OSBP2: variants seen among roughly 807,000 people sequenced by gnomAD.
OSBP2 encodes the protein oxysterol binding protein 2, also known as oxysterol-binding protein 2.
OSBP2 carries 66 observed loss-of-function variants against 96.0 expected under a neutral mutation model. The observed-to-expected ratio is 0.69, with a 90% CI of 0.56 to 0.84. OSBP2 has a LOEUF of 0.84. Among genes scored for constraint, OSBP2 ranks in the 40% least tolerant of loss-of-function variants. The pLI is 0.00. For synonymous variants in OSBP2, 525 were observed against 520.9 expected (o/e 1.01, Z -0.11); for missense variants, 1,038 against 1,222.7 (o/e 0.85, Z 2.25).
At chr22:30,873,810 A>G (rs990770456) in intron 3 of OSBP2, among the ~76,000 whole-genome samples, 6 of 152,232 alleles carry the variant, frequency 3.9e-5, no homozygotes, top group African/African-American at 1.4e-4. Flanking sequence ...CTGGCCAGAC[A>G]AAGCCCACAT....
chr22:30,817,650 G>T (rs2146970223), intron 2 of OSBP2, among the ~76,000 whole-genome samples: 1 of 152,326 alleles, frequency 6.6e-6, no homozygotes, highest in Non-Finnish European at 1.5e-5. Flanking sequence ...AAGGGCTCTT[G>T]ATGAGTGATT....
chr22:30,785,782 C>T (rs1411858797), intron 2 of OSBP2, among the ~76,000 whole-genome samples: 13 of 152,006 alleles, frequency 8.6e-5, no homozygotes, highest in Non-Finnish European at 1.8e-4. Context: ...GTGAATGAGT[C>T]CTCATGAGAT....
At chr22:30,861,567 A>AT (rs1205023749) in intron 2 of OSBP2, among the ~76,000 whole-genome samples, 2 of 151,678 alleles carry the variant, frequency 1.3e-5, no homozygotes, top group African/African-American at 4.9e-5. Context: ...TTATTATCTG[A>AT]TTTTCCATCA....
chr22:30,695,439 T>G lies in OSBP2; in HGVS notation c.530T>G (p.Leu177Arg), dbSNP rs754881486. ...ACTGGCACGACCTCCAGTGCCCCAC[T>G]GGCCTTACTGCCTCTGGACAGCTTC... ...SGTGTTSSAPLALLPLDSFEG... is the reference protein window; with the variant it reads ...SGTGTTSSAPRALLPLDSFEG... The change falls in exon 1 of 14, where the codon CTG (leucine) becomes CGG (arginine). Residue 177 changes from leucine to arginine, a missense_variant. Leu to Arg is a moderately radical substitution (Grantham distance 102). Coordinates refer to ENST00000332585, the MANE Select transcript of OSBP2 (RefSeq NM_030758.4). The G allele has an allele frequency of 6.2e-7, 1 of 1,613,758 alleles. No homozygotes were observed. The highest frequency in any genetic ancestry group is 1.7e-5 in the Admixed American group (1 of 60,028).
chr22:30,746,931 A>G (rs1286675638), intron 2 of OSBP2, among the ~76,000 whole-genome samples: 1 of 152,236 alleles, frequency 6.6e-6, no homozygotes, highest in Non-Finnish European at 1.5e-5. Flanking sequence ...AAATACTGGC[A>G]AACAAAATCC....
chr22:30,843,077 C>G (rs1371713872), intron 2 of OSBP2, among the ~76,000 whole-genome samples: 1 of 152,192 alleles, frequency 6.6e-6, no homozygotes, highest in Non-Finnish European at 1.5e-5. Flanking sequence ...AGCCACCGCA[C>G]CCGGCCTGCA....
At chr22:30,778,084 T>C (rs2090459025) in intron 2 of OSBP2, among the ~76,000 whole-genome samples, 1 of 150,410 alleles carries the variant, frequency 6.6e-6, no homozygotes, top group East Asian at 2.0e-4. Flanking sequence ...CAACTCTGCC[T>C]CCCGGGTTCA....
chr22:30,826,003 A>G (rs1203579131), intron 2 of OSBP2, among the ~76,000 whole-genome samples: 3 of 151,340 alleles, frequency 2.0e-5, no homozygotes, highest in Non-Finnish European at 4.4e-5. Context: ...CTTTGCACAG[A>G]CCCCCAGAAA....
At chr22:30,752,851 A>G (rs572542529) in intron 2 of OSBP2, among the ~76,000 whole-genome samples, 29 of 152,330 alleles carry the variant, frequency 1.9e-4, no homozygotes, top group Admixed American at 3.9e-4. Flanking sequence ...GCTATTTGTC[A>G]TGTGATACTA....
intron 1 of OSBP2, among the ~76,000 whole-genome samples, chr22:30,708,176 C>T (rs1025217094): frequency 1.3e-5 from 2 of 151,992 alleles, no homozygotes; most frequent in African/African-American, 4.8e-5. Context: ...GTGAGAACCA[C>T]CTCGCCTGGC....
chr22:30,893,866 C>A lies in OSBP2; in HGVS notation c.2240C>A (p.Ser747Tyr), dbSNP rs1329424145. Residue 747 changes from serine (S) to tyrosine (Y), a missense_variant, in exon 12 of 14, where the codon TCC (serine) becomes TAC (tyrosine). This residue lies in a region of OSBP2 where 737 missense variants were observed against 913.3 expected (regional missense o/e 0.81). Transcript: ENST00000332585. Reference sequence around the variant, plus strand: ...CAGGGCAAGGCCCATTACGTGCTGTCCGGCTCGTGGGATGAACAAATGGAG... The same window carrying A: ...CAGGGCAAGGCCCATTACGTGCTGTACGGCTCGTGGGATGAACAAATGGAG... ...DSQGKAHYVLSGSWDEQMECS... is the reference protein window; with the variant it reads ...DSQGKAHYVLYGSWDEQMECS... The A allele has an allele frequency of 6.3e-7, 1 of 1,583,362 alleles. No individual in the cohort carries two copies. Among genetic ancestry groups the A allele is most frequent in the East Asian group, 2.3e-5 (1 of 43,444 alleles).
At chr22:30,744,707 G>C (rs1368545388) in intron 2 of OSBP2, among the ~76,000 whole-genome samples, 1 of 152,138 alleles carries the variant, frequency 6.6e-6, no homozygotes, top group Non-Finnish European at 1.5e-5. Context: ...GTTGCTGTGA[G>C]CCGAGATCAC....
At chr22:30,865,537 C>T (rs1433842754) in intron 2 of OSBP2, among the ~76,000 whole-genome samples, 1 of 143,062 alleles carries the variant, frequency 7.0e-6, no homozygotes, top group Non-Finnish European at 1.5e-5. Context: ...GAGGCTGAGG[C>T]AGGAGAATTG....
chr22:30,700,087 C>T (rs539094231), intron 1 of OSBP2, among the ~76,000 whole-genome samples: 5 of 151,814 alleles, frequency 3.3e-5, no homozygotes, highest in South Asian at 2.1e-4. Flanking sequence ...CACAGCCTCC[C>T]GAGTAGCTGG....
At chr22:30,775,102 C>T (rs148736821) in intron 2 of OSBP2, among the ~76,000 whole-genome samples, 4 of 152,190 alleles carry the variant, frequency 2.6e-5, no homozygotes, top group African/African-American at 7.2e-5. Context: ...GCATTTAGTA[C>T]ATTCACAGTG....
At chr22:30,708,684 C>A (rs2089295692) in intron 1 of OSBP2, among the ~76,000 whole-genome samples, 1 of 149,782 alleles carries the variant, frequency 6.7e-6, no homozygotes, top group African/African-American at 2.4e-5. Context: ...GACGAGGTTT[C>A]ACCATGTTGG....
chr22:30,832,633 T>G (rs1436391359), intron 2 of OSBP2, among the ~76,000 whole-genome samples: 1 of 152,204 alleles, frequency 6.6e-6, no homozygotes, highest in African/African-American at 2.4e-5. Context: ...GTTGGAATCA[T>G]TGTTTGGACT....
In OSBP2 at chr22:30,890,237, C is replaced by T. The variant is rs1016734153; in HGVS notation, c.1624-491C>T. Among the ~76,000 whole-genome samples, 14 of 152,246 alleles carry T rather than the reference C, an allele frequency of 9.2e-5. 1 individual carries two copies. The highest frequency in any genetic ancestry group is 3.4e-3 in the Middle Eastern group (1 of 294). ...ACACGAGGAAGCTGAGACTCGTACC[C>T]GATGGCATCATGGTGGGGAGAGTGA... On this transcript the variant is annotated intron_variant, in intron 7 of 13. Transcript: ENST00000332585. The surrounding 1 kb of genome is among the most constrained non-coding windows in gnomAD (Gnocchi z 4.4).
intron 2 of OSBP2, chr22:30,822,847 C>T: frequency 4.2e-6 from 3 of 710,038 alleles, no homozygotes; most frequent in East Asian, 6.4e-5. Flanking sequence ...CGCGGGGAGC[C>T]TCGGGGAACC....
Sources: gnomAD v4.1 joint callset for allele counts (sites outside exome capture counted in the v4.1 genomes callset) on GRCh38, gnomAD v4.1.1 for gene constraint, gnomAD v4.1.1 regional missense constraint, Gnocchi (gnomAD v3.1) non-coding constraint, MANE v1.5 for transcripts, NCBI Gene and HGNC (gene_info 2026-07-23, HGNC 2026-07-21) for gene names.